Variants in NEK1 observed in about 807,000 individuals in gnomAD.
The protein encoded by NEK1 is NIMA related kinase 1, also known as serine/threonine-protein kinase Nek1.
NEK1 carries 137 observed loss-of-function variants against 182.1 expected under a neutral mutation model. The observed-to-expected ratio is 0.75, with a 90% CI of 0.65 to 0.87. The LOEUF (loss-of-function observed/expected upper bound fraction) is 0.87. NEK1 is among the 40% of genes least tolerant of loss of function. The probability of loss-of-function intolerance (pLI) is 0.00; values close to 1 mark genes in which losing one functional copy is unlikely to be tolerated. For missense variants in NEK1, 1,391 were observed against 1,494.4 expected (o/e 0.93, Z 1.14); for synonymous variants, 513 against 492.2 (o/e 1.04, Z -0.56).
intron 32 of NEK1, among the ~76,000 whole-genome samples, chr4:169,402,962 C>CT: frequency 6.6e-6 from 1 of 152,126 alleles, no homozygotes; most frequent in Non-Finnish European, 1.5e-5. Flanking sequence ...GGGATTTCAT[C>CT]TATCAGGAAG....
chr4:169,559,017 A>C (rs767054399), intron 16 of NEK1, among the ~76,000 whole-genome samples: 12 of 152,210 alleles, frequency 7.9e-5, no homozygotes, highest in Non-Finnish European at 1.5e-4. Flanking sequence ...ATAAATATAG[A>C]AACTAACATA....
chr4:169,403,934 G>A (rs1216011050), intron 32 of NEK1, among the ~76,000 whole-genome samples: 1 of 151,968 alleles, frequency 6.6e-6, no homozygotes, highest in Non-Finnish European at 1.5e-5. Flanking sequence ...ATAACAATAT[G>A]AAATAACGTA....
At chr4:169,565,491 T>C (rs1200231706) in intron 12 of NEK1, among the ~76,000 whole-genome samples, 3 of 152,312 alleles carry the variant, frequency 2.0e-5, no homozygotes, top group Middle Eastern at 3.4e-3. Flanking sequence ...CCTCATAGTA[T>C]CATTACAAAA....
At chr4:169,592,735 ATTTAT>A (rs1223603403) in intron 5 of NEK1, among the ~76,000 whole-genome samples, 1 of 151,558 alleles carries the variant, frequency 6.6e-6, no homozygotes, top group African/African-American at 2.4e-5. Context: ...TTCTATAGAT[ATTTAT>A]TTAATGAGGA....
intron 24 of NEK1, among the ~76,000 whole-genome samples, chr4:169,478,890 T>C (rs1331161464): frequency 6.6e-6 from 1 of 152,166 alleles, no homozygotes; most frequent in Non-Finnish European, 1.5e-5. Flanking sequence ...TTTCTTTGTT[T>C]TACTATCTGT....
chr4:169,469,325 T>C (rs1184551657), intron 26 of NEK1, among the ~76,000 whole-genome samples: 1 of 152,224 alleles, frequency 6.6e-6, no homozygotes, highest in African/African-American at 2.4e-5. Context: ...TGTGTCTTTA[T>C]TCTCATTGGT....
chr4:169,567,355 A>G (rs1763871365), intron 12 of NEK1, among the ~76,000 whole-genome samples: 1 of 152,090 alleles, frequency 6.6e-6, no homozygotes, highest in African/African-American at 2.4e-5. Flanking sequence ...GTGGCATTAA[A>G]TACTTTCACA....
intron 26 of NEK1, among the ~76,000 whole-genome samples, chr4:169,476,142 A>C (rs1347065800): frequency 6.6e-6 from 1 of 152,136 alleles, no homozygotes; most frequent in Admixed American, 6.6e-5. Flanking sequence ...CTTTACAATC[A>C]TATTGCTCAA....
At chr4:169,513,026 A>G (rs1754440411) in intron 19 of NEK1, among the ~76,000 whole-genome samples, 1 of 152,134 alleles carries the variant, frequency 6.6e-6, no homozygotes, top group Non-Finnish European at 1.5e-5. Context: ...AAAATCAGGA[A>G]GAGTTATTCT....
rs990603206 is a variant in NEK1, at chr4:169,495,032, C to T, written c.2007+12005G>A. ...TAGGTTGCAAAAATTTTCTCCCATT[C>T]TGTAGGTTGCCTGTTCACTCTGATG... On this transcript the variant is annotated intron_variant, in intron 23 of 35. Coordinates refer to ENST00000507142, the MANE Select transcript of NEK1 (RefSeq NM_001199397.3). Among the ~76,000 whole-genome samples, 123 of 152,172 alleles carry T rather than the reference C, an allele frequency of 8.1e-4. 2 individuals carry two copies. Among genetic ancestry groups the T allele is most frequent in the Admixed American group, 2.4e-3 (37 of 15,282 alleles).
chr4:169,589,324 A>T, intron 7 of NEK1, 123 bp downstream of exon 7: 1 of 676,828 alleles, frequency 1.5e-6, no homozygotes, highest in South Asian at 1.8e-5. Context: ...AACATGTCCC[A>T]ATAAAGCAAC....
At chr4:169,487,100 A>G (rs1308602452) in intron 23 of NEK1, among the ~76,000 whole-genome samples, 4 of 152,180 alleles carry the variant, frequency 2.6e-5, no homozygotes. Context: ...TCAAAGAGAA[A>G]ATTTTATAAA....
chr4:169,394,381 A>G lies in NEK1; in HGVS notation c.*129T>C, dbSNP rs1008647300. On this transcript the variant is annotated 3_prime_UTR_variant, in exon 36 of 36. Coordinates refer to ENST00000507142, the MANE Select transcript of NEK1 (RefSeq NM_001199397.3). ...CATGTTTCTCCATCTTTTTCATGCA[A>G]TAAGAAAGTCCATCTTAAATCTGAT... 1.7e-6 allele frequency: 1 copy of G among 598,392 alleles called. No homozygotes were observed. The highest frequency in any genetic ancestry group is 1.9e-5 in the African/African-American group (1 of 51,550). The allele number at this position is 598,392 out of a possible 1,614,324, so 37.1% of individuals were successfully genotyped here. A position where few individuals can be genotyped will look rare whatever the true frequency, so the allele number is the denominator to read the frequency against.
intron 10 of NEK1, among the ~76,000 whole-genome samples, chr4:169,581,386 G>A (rs1453349743): frequency 1.3e-5 from 2 of 151,972 alleles, no homozygotes; most frequent in African/African-American, 4.8e-5. Context: ...TCCCATCTCA[G>A]CCTCCTATTA....
intron 27 of NEK1, among the ~76,000 whole-genome samples, chr4:169,442,066 G>A (rs963953368): frequency 6.6e-6 from 1 of 152,116 alleles, no homozygotes; most frequent in Non-Finnish European, 1.5e-5. Flanking sequence ...TGCTGATGAT[G>A]GACCCAGGGA....
intron 32 of NEK1, among the ~76,000 whole-genome samples, chr4:169,404,734 C>T (rs1380950546): frequency 6.6e-6 from 1 of 151,930 alleles, no homozygotes; most frequent in East Asian, 1.9e-4. Flanking sequence ...GGCTGACCAA[C>T]ACTGAACAAG....
At position 169,477,192 on chromosome 4, in the gene NEK1, TC is replaced by T. The variant is rs778946067; in HGVS notation, c.2365del (p.Glu789ArgfsTer7). 5 of 1,608,724 alleles carry T rather than the reference TC, an allele frequency of 3.1e-6. No homozygotes were observed. Among genetic ancestry groups the T allele is most frequent in the Non-Finnish European group, 4.2e-6 (5 of 1,177,258 alleles). Reference sequence around the variant, plus strand: ...AGGAATCACAAGTTGACCTCCTGCCTCCCACTTCTTGCGATCAGATGAAACT... The same window carrying T: ...AGGAATCACAAGTTGACCTCCTGCCTCCACTTCTTGCGATCAGATGAAACT... ...KSVSSDRKKW[E>X]AGGQLVIPLD... On this transcript the variant is annotated frameshift_variant, in exon 26 of 36. Transcript: ENST00000507142. LOFTEE classifies it high-confidence loss of function.
intron 29 of NEK1, among the ~76,000 whole-genome samples, chr4:169,432,885 T>C (rs1263923172): frequency 6.6e-6 from 1 of 152,158 alleles, no homozygotes; most frequent in Non-Finnish European, 1.5e-5. Context: ...GTGATTCTCC[T>C]GCCTCAGCCT....
chr4:169,400,112 G>T (rs1197045421), intron 35 of NEK1, 113 bp downstream of exon 35: 1 of 1,019,280 alleles, frequency 9.8e-7, no homozygotes, highest in Non-Finnish European at 1.5e-6. Context: ...AAGTTATATA[G>T]TTCCCAAGTA....
Sources: gnomAD v4.1 joint callset for allele counts (sites outside exome capture counted in the v4.1 genomes callset) on GRCh38, gnomAD v4.1.1 for gene constraint, MANE v1.5 for transcripts, NCBI Gene and HGNC (gene_info 2026-07-23, HGNC 2026-07-21) for gene names.